Variants in KIAA1549 observed in about 807,000 individuals in gnomAD.
KIAA1549 encodes the protein KIAA1549.
In KIAA1549, 70 loss-of-function variants were observed where a neutral mutation model predicts 156.4. That is an observed-to-expected ratio of 0.45 (90% CI 0.37 to 0.55). KIAA1549 has a LOEUF of 0.55. Among genes scored for constraint, KIAA1549 ranks in the 20% least tolerant of loss-of-function variants. KIAA1549 has a pLI of 0.00. For missense variants in KIAA1549, 2,428 were observed against 2,540.9 expected, an observed-to-expected ratio of 0.96 and a Z score of 0.96; for synonymous variants, 1,103 against 1,066.4, an observed-to-expected ratio of 1.03 and a Z score of -0.67.
rs972822691 is a variant in KIAA1549, at chr7:138,943,680, T to G, written c.188-24242A>C. Among the ~76,000 whole-genome samples, 4 of 152,182 alleles carry G rather than the reference T, an allele frequency of 2.6e-5. No homozygotes were observed. The East Asian group carries it at 7.7e-4, about 29-fold the overall frequency. Reference sequence around the variant, plus strand: ...CTGGCTAACATGGTGAAACCCCGTCTCTACTAAAAATACAAAAATTTAGCC... The same window carrying G: ...CTGGCTAACATGGTGAAACCCCGTCGCTACTAAAAATACAAAAATTTAGCC... On this transcript the variant is annotated intron_variant, in intron 1 of 19. Coordinates refer to ENST00000422774, the MANE Select transcript of KIAA1549 (RefSeq NM_001164665.2).
At chr7:138,944,100 C>A (rs910419750) in intron 1 of KIAA1549, among the ~76,000 whole-genome samples, 1 of 151,782 alleles carries the variant, frequency 6.6e-6, no homozygotes, top group Admixed American at 6.6e-5. Context: ...TCTATGGCCC[C>A]ATTTTTTAAG....
intron 17 of KIAA1549, 75 bp from the exon 18 acceptor site, chr7:138,844,549 A>G (rs940982227): frequency 6.0e-5 from 80 of 1,329,592 alleles, no homozygotes; most frequent in Middle Eastern, 2.0e-4. Context: ...TCCACCCCCA[A>G]CCTTACAGAA....
chr7:138,861,144 A>G lies in KIAA1549; in HGVS notation c.5242T>C (p.Cys1748Arg). The change falls in exon 16 of 20, where the codon TGC (cysteine) becomes CGC (arginine). Residue 1748 changes from cysteine (C) to arginine (R), a missense_variant. Physicochemically the swap from Cys to Arg is radical, Grantham distance 180. Coordinates refer to ENST00000422774, the MANE Select transcript of KIAA1549 (RefSeq NM_001164665.2). ...TCTAGAAGGCCAGTACTTACACTGC[A>G]GGGATTGTTGGCCGTCTGGGCTGGG... ...YSPAQTANNP[C>R]SRYEDYGMTP... The G allele has an allele frequency of 1.2e-6, 2 of 1,613,742 alleles. No individual in the cohort carries two copies. The highest frequency in any genetic ancestry group is 1.7e-6 in the Non-Finnish European group (2 of 1,179,822).
intron 1 of KIAA1549, among the ~76,000 whole-genome samples, chr7:138,936,725 A>ACCCCC (rs139640080): frequency 2.2e-5 from 3 of 135,860 alleles, no homozygotes; most frequent in Admixed American, 7.4e-5. Flanking sequence ...GAGATGTGTG[A>ACCCCC]CCCCCCCCAC....
chr7:138,871,117 G>A (rs377546391), intron 13 of KIAA1549, 40 bp downstream of exon 13: 221 of 1,584,526 alleles, frequency 1.4e-4, no homozygotes, highest in Non-Finnish European at 1.8e-4. Flanking sequence ...GGGCTTAGCC[G>A]AGTTTTTTAA....
chr7:138,931,475 G>C (rs1389447867), intron 1 of KIAA1549, among the ~76,000 whole-genome samples: 2 of 152,192 alleles, frequency 1.3e-5, no homozygotes, highest in East Asian at 3.8e-4. Flanking sequence ...ATTTTGGCCA[G>C]GCGTGGTGGC....
chr7:138,976,442 C>T (rs909991201), intron 1 of KIAA1549, among the ~76,000 whole-genome samples: 1 of 152,200 alleles, frequency 6.6e-6, no homozygotes, highest in South Asian at 2.1e-4. Flanking sequence ...AGTCCCCCTC[C>T]TCCAAGGTTT....
chr7:138,842,217 T>G (rs761258188), intron 18 of KIAA1549, among the ~76,000 whole-genome samples: 2 of 152,202 alleles, frequency 1.3e-5, no homozygotes, highest in Non-Finnish European at 2.9e-5. Context: ...TCGGTAGGAT[T>G]TTGTATCCTG....
intron 1 of KIAA1549, among the ~76,000 whole-genome samples, chr7:138,940,562 T>C (rs1347511469): frequency 1.3e-5 from 2 of 151,822 alleles, no homozygotes; most frequent in Non-Finnish European, 1.5e-5. Flanking sequence ...ATGGTATTTC[T>C]AGTTCTAGAT....
At chr7:138,934,673 A>C (rs986720647) in intron 1 of KIAA1549, among the ~76,000 whole-genome samples, 17 of 152,294 alleles carry the variant, frequency 1.1e-4, no homozygotes, top group African/African-American at 4.1e-4. Flanking sequence ...TCCTCTAACA[A>C]GATACGTGGT....
At chr7:138,966,483 G>C (rs1814029634) in intron 1 of KIAA1549, among the ~76,000 whole-genome samples, 2 of 152,072 alleles carry the variant, frequency 1.3e-5, no homozygotes, top group South Asian at 4.1e-4. Flanking sequence ...AAGCTGAGGA[G>C]TAAGGAAGCC....
intron 19 of KIAA1549, among the ~76,000 whole-genome samples, chr7:138,839,053 A>G (rs1027190444): frequency 6.6e-6 from 1 of 152,170 alleles, no homozygotes; most frequent in Non-Finnish European, 1.5e-5. Context: ...TCATGAAGCT[A>G]AGCTGGGCAA....
intron 1 of KIAA1549, among the ~76,000 whole-genome samples, chr7:138,960,739 C>T (rs1202471874): frequency 9.5e-6 from 1 of 105,588 alleles, no homozygotes; most frequent in Non-Finnish European, 1.7e-5. Context: ...TATCTGCGGC[C>T]AGAGAGTAAA....
chr7:138,904,892 T>C (rs1811963466), intron 7 of KIAA1549, 130 bp downstream of exon 7: 2 of 610,466 alleles, frequency 3.3e-6, no homozygotes, highest in Admixed American at 3.1e-5. Context: ...TTTCCATTCA[T>C]TCTTTGCCAA....
intron 1 of KIAA1549, among the ~76,000 whole-genome samples, chr7:138,957,450 C>T (rs865930531): frequency 7.6e-4 from 72 of 94,604 alleles, no homozygotes; most frequent in African/African-American, 3.3e-3. Context: ...TCCCCCTCCC[C>T]CTCCTTCTCC....
chr7:138,973,124 G>C (rs1814268936), intron 1 of KIAA1549, among the ~76,000 whole-genome samples: 1 of 151,992 alleles, frequency 6.6e-6, no homozygotes, highest in Non-Finnish European at 1.5e-5. Flanking sequence ...GCCCAGCCCA[G>C]TCACTGTATT....
intron 12 of KIAA1549, among the ~76,000 whole-genome samples, chr7:138,877,512 AAAAAT>A (rs905176852): frequency 1.3e-5 from 2 of 152,210 alleles, no homozygotes; most frequent in Non-Finnish European, 2.9e-5. Flanking sequence ...AAAAATTTTA[AAAAAT>A]AAAATAACTG....
chr7:138,831,960 T>C lies in KIAA1549; in HGVS notation c.*5946A>G. 1 of 232,844 alleles carries C rather than the reference T, an allele frequency of 4.3e-6. No homozygotes were observed. The highest frequency in any genetic ancestry group is 8.5e-6 in the Non-Finnish European group (1 of 117,752). 14.4% of individuals were successfully genotyped at this position (232,844 alleles called of 1,614,324 possible). ...CCTCAGTTCCTCTAGTATCTCCCTC[T>C]TCTTTCCCCACATTTGCAGGAGGAA... On this transcript the variant is annotated 3_prime_UTR_variant, in exon 20 of 20. Coordinates refer to ENST00000422774, the MANE Select transcript of KIAA1549 (RefSeq NM_001164665.2).
At chr7:138,852,945 A>C (rs1385286497) in intron 16 of KIAA1549, among the ~76,000 whole-genome samples, 1 of 152,234 alleles carries the variant, frequency 6.6e-6, no homozygotes, top group East Asian at 1.9e-4. Flanking sequence ...AGCTAACCTG[A>C]ACTAGCCAAA....
Sources: allele counts gnomAD v4.1 joint callset (sites outside exome capture counted in the v4.1 genomes callset), GRCh38; gene constraint gnomAD v4.1.1; transcripts MANE v1.5; gene names NCBI Gene and HGNC (gene_info 2026-07-23, HGNC 2026-07-21).